COL22A1: variants seen among roughly 807,000 people sequenced by gnomAD.
The protein encoded by COL22A1 is collagen type XXII alpha 1 chain.
In COL22A1, 221 loss-of-function variants were observed where a neutral mutation model predicts 248.9. The ratio of observed to expected loss-of-function variants is 0.89; its 90% CI spans 0.80 to 0.99. The LOEUF (loss-of-function observed/expected upper bound fraction) is 0.99. Among genes scored for constraint, COL22A1 ranks in the 50% least tolerant of loss-of-function variants. COL22A1 has a pLI of 0.00. For missense variants in COL22A1, 2,240 were observed against 2,179.0 expected, an observed-to-expected ratio of 1.03 and a Z score of -0.56; for synonymous variants, 891 against 793.4, an observed-to-expected ratio of 1.12 and a Z score of -2.07.
chr8:138,616,607 C>A (rs76373482), intron 54 of COL22A1, among the ~76,000 whole-genome samples: 2,494 of 152,302 alleles, frequency 0.016, 68 homozygotes, highest in African/African-American at 0.056. Context: ...GCAAAAAGAA[C>A]CTAATAGCAA....
At chr8:138,897,529 C>T (rs1814206305) in intron 1 of COL22A1, among the ~76,000 whole-genome samples, 1 of 148,530 alleles carries the variant, frequency 6.7e-6, no homozygotes, top group Admixed American at 6.9e-5. Context: ...AGCCTAGTGA[C>T]AGAGCGAGAC....
chr8:138,617,058 G>T, intron 53 of COL22A1, 100 bp from the exon 54 acceptor site: 1 of 1,260,048 alleles, frequency 7.9e-7, no homozygotes. Context: ...CGTTGCCCCC[G>T]CTCATTCTTT....
In COL22A1 at chr8:138,878,311, T is replaced by C. The variant is rs1285283705; in HGVS notation, c.97A>G (p.Lys33Glu). The C allele has an allele frequency of 3.9e-6, 6 of 1,542,222 alleles. No homozygotes were observed. Among genetic ancestry groups the C allele is most frequent in the Non-Finnish European group, 5.3e-6 (6 of 1,141,490 alleles). Residue 33 changes from lysine to glutamate, a missense_variant, in exon 3 of 65, where the codon AAA becomes GAA. By Grantham distance (56) the Lys-to-Glu change is moderately conservative. Coordinates refer to ENST00000303045, the MANE Select transcript of COL22A1 (RefSeq NM_152888.3). ...AAGACCAGATCGTAGTGGACACTTT[T>C]GCAACCTGCAGGGGTGAGAGAAGGG... ...GGCQAQRAGC[K>E]SVHYDLVFLL...
Position 138,753,776 on chromosome 8 carries a change from T to C in COL22A1, c.2031+1381A>G, listed in dbSNP as rs553351756. Among the ~76,000 whole-genome samples, 4 of 152,344 alleles carry C rather than the reference T, an allele frequency of 2.6e-5. No homozygotes were observed. The South Asian group carries it at 8.3e-4, about 32-fold the overall frequency. ...TTCCTTCTCTCCCTCCCTCATTTAC[T>C]GTAACAAAATCTAGGTAAAGGGTGA... is the stretch of plus-strand genomic sequence containing the variant. On this transcript the variant is annotated intron_variant, in intron 21 of 64. Coordinates refer to ENST00000303045, the MANE Select transcript of COL22A1 (RefSeq NM_152888.3).
At chr8:138,660,955 G>T (rs200348858) in intron 43 of COL22A1, among the ~76,000 whole-genome samples, 5 of 27,006 alleles carry the variant, frequency 1.9e-4, no homozygotes, top group African/African-American at 4.1e-4. Flanking sequence ...TAAACACACA[G>T]ACACACACGC....
chr8:138,753,014 C>T (rs1338282588), intron 21 of COL22A1, among the ~76,000 whole-genome samples: 1 of 152,194 alleles, frequency 6.6e-6, no homozygotes, highest in Non-Finnish European at 1.5e-5. Context: ...GAAGATGCTG[C>T]TGCGGTAGAT....
chr8:138,892,057 A>C (rs1825108388), intron 1 of COL22A1, among the ~76,000 whole-genome samples: 1 of 152,088 alleles, frequency 6.6e-6, no homozygotes, highest in Admixed American at 6.6e-5. Context: ...TTTGTTGAGG[A>C]TCTTGACATC....
At chr8:138,656,045 C>A (rs1035069653) in intron 44 of COL22A1, 101 bp from the exon 45 acceptor site, 2 of 939,902 alleles carry the variant, frequency 2.1e-6, no homozygotes, top group Non-Finnish European at 3.4e-6. Flanking sequence ...TGACACAATA[C>A]GTGACACACT....
intron 52 of COL22A1, among the ~76,000 whole-genome samples, chr8:138,623,283 TG>T (rs1428997588): frequency 2.0e-5 from 3 of 151,498 alleles, no homozygotes. Flanking sequence ...TGTGTGTGTG[TG>T]TGTGTGTGTG....
intron 42 of COL22A1, 128 bp from the exon 43 acceptor site, chr8:138,662,211 G>A (rs1038421983): frequency 4.2e-6 from 3 of 720,408 alleles, no homozygotes; most frequent in Non-Finnish European, 7.0e-6. Flanking sequence ...GATGCAACAT[G>A]TGTGCCAAAG....
chr8:138,651,629 A>G (rs1822745327), intron 45 of COL22A1, among the ~76,000 whole-genome samples: 1 of 151,216 alleles, frequency 6.6e-6, no homozygotes, highest in African/African-American at 2.4e-5. Context: ...TTGAAAGAGT[A>G]GCAGAGCTGA....
intron 11 of COL22A1, among the ~76,000 whole-genome samples, chr8:138,801,386 ACT>A (rs1332499352): frequency 6.6e-6 from 1 of 152,194 alleles, no homozygotes; most frequent in Non-Finnish European, 1.5e-5. Flanking sequence ...AGATGGCATC[ACT>A]ACGCATGAGG....
intron 5 of COL22A1, among the ~76,000 whole-genome samples, chr8:138,831,340 C>T (rs1038695784): frequency 3.3e-5 from 5 of 152,194 alleles, no homozygotes; most frequent in African/African-American, 1.2e-4. Context: ...TCCTCATTCC[C>T]TACTCTGGGC....
chr8:138,691,617 ACGTT>A (rs1826891861), intron 35 of COL22A1, among the ~76,000 whole-genome samples: 1 of 141,236 alleles, frequency 7.1e-6, no homozygotes, highest in African/African-American at 2.7e-5. Context: ...GCATGTGTGC[ACGTT>A]TGTGGAGGTG....
chr8:138,839,313 C>G (rs561183215), intron 4 of COL22A1, among the ~76,000 whole-genome samples: 42 of 152,132 alleles, frequency 2.8e-4, no homozygotes, highest in Non-Finnish European at 4.9e-4. Flanking sequence ...GGCGAGGGTA[C>G]ACTGGCTGGG....
intron 45 of COL22A1, among the ~76,000 whole-genome samples, chr8:138,653,649 G>T (rs1215479808): frequency 6.6e-6 from 1 of 152,176 alleles, no homozygotes; most frequent in African/African-American, 2.4e-5. Flanking sequence ...GGGACTCTTA[G>T]AACTTACTAC....
intron 63 of COL22A1, 126 bp downstream of exon 63, chr8:138,593,891 T>C: frequency 4.4e-6 from 3 of 679,148 alleles, no homozygotes; most frequent in Non-Finnish European, 4.7e-6. Context: ...GCCAAAACTC[T>C]GGGTGTTACC....
At chr8:138,628,622 G>A (rs777816526) in intron 50 of COL22A1, among the ~76,000 whole-genome samples, 17 of 152,192 alleles carry the variant, frequency 1.1e-4, no homozygotes, top group Non-Finnish European at 2.1e-4. Flanking sequence ...CTGGTTTGAT[G>A]GTTATGGTAA....
chr8:138,666,624 G>A (rs1824526650), intron 41 of COL22A1, among the ~76,000 whole-genome samples: 1 of 152,178 alleles, frequency 6.6e-6, no homozygotes, highest in African/African-American at 2.4e-5. Flanking sequence ...CATCTGAACT[G>A]TGTTCCTTTC....
Sources: gnomAD v4.1 joint callset for allele counts (sites outside exome capture counted in the v4.1 genomes callset) on GRCh38, gnomAD v4.1.1 for gene constraint, MANE v1.5 for transcripts, NCBI Gene and HGNC (gene_info 2026-07-23, HGNC 2026-07-21) for gene names.